The following ZNF554 variants were observed in gnomAD, a reference collection of about 807,000 sequenced individuals.
ZNF554 encodes zinc finger protein 554.
In ZNF554, 15 loss-of-function variants were observed where a neutral mutation model predicts 21.2. The observed-to-expected ratio is 0.71, with a 90% CI of 0.47 to 1.09. ZNF554 has a LOEUF of 1.09. ZNF554 is among the 50% of genes least tolerant of loss of function. The pLI, the probability that ZNF554 is intolerant of heterozygous loss-of-function variation, is 0.00. For missense variants in ZNF554, 691 were observed against 662.7 expected, an observed-to-expected ratio of 1.04 and a Z score of -0.47; for synonymous variants, 258 against 251.4, an observed-to-expected ratio of 1.03 and a Z score of -0.25.
chr19:2,825,788 A>G (rs1010384600), intron 2 of ZNF554, among the ~76,000 whole-genome samples: 2 of 151,998 alleles, frequency 1.3e-5, no homozygotes, highest in African/African-American at 4.8e-5. Flanking sequence ...GGCATAAGAC[A>G]GGGGTGGACT....
At chr19:2,829,645 TAAAA>T (rs1188119187) in intron 3 of ZNF554, among the ~76,000 whole-genome samples, 5 of 151,900 alleles carry the variant, frequency 3.3e-5, no homozygotes, top group South Asian at 2.1e-4. Context: ...GTCAAAAAAA[TAAAA>T]AAAGTATATA....
chr19:2,834,958 C>A lies in ZNF554; in HGVS notation c.*106C>A. The stretch of plus-strand genomic sequence containing the variant: ...AATTTGAAAAGAAGTGGGTTTATGT[C>A]ACCTTCTCACCTTCTTATAAGAAAG... On this transcript the variant is annotated 3_prime_UTR_variant, in exon 5 of 5. Transcript: ENST00000317243. 3.1e-6 allele frequency: 3 copies of A among 967,384 alleles called. No individual in the cohort carries two copies. Among genetic ancestry groups the A allele is most frequent in the South Asian group, 3.5e-5 (2 of 57,502 alleles). 59.9% of individuals were successfully genotyped at this position (967,384 alleles called of 1,614,324 possible).
At position 2,835,162 on chromosome 19, in the gene ZNF554, C is replaced by G. The variant is rs2087483085; in HGVS notation, c.*310C>G. ...TATAGGTGTGCACCACCACGCCCAG[C>G]AAATTTTTAAATTTATTATAGAGTG... On this transcript the variant is annotated 3_prime_UTR_variant, in exon 5 of 5. Coordinates refer to ENST00000317243, the MANE Select transcript of ZNF554 (RefSeq NM_001102651.2). 1 of 249,096 alleles carries G rather than the reference C, an allele frequency of 4.0e-6. No individual in the cohort carries two copies. Among genetic ancestry groups the G allele is most frequent in the East Asian group, 8.0e-5 (1 of 12,548 alleles). 15.4% of individuals were successfully genotyped at this position (249,096 alleles called of 1,614,324 possible).
Position 2,821,011 on chromosome 19 carries a change from A to G in ZNF554, c.53+887A>G, listed in dbSNP as rs1424455285. 3.3e-5 allele frequency among the ~76,000 whole-genome samples: 5 copies of G among 151,506 alleles called. No homozygotes were observed. The highest frequency in any genetic ancestry group is 1.2e-4 in the African/African-American group (5 of 40,958). ...CACCACCCATGTTGAGGAATGAGGG[A>G]GGCAGCTGACCTTTCTGCTGCTCTA... is the stretch of plus-strand genomic sequence containing the variant. On this transcript the variant is annotated intron_variant, in intron 1 of 4. Coordinates refer to ENST00000317243, the MANE Select transcript of ZNF554 (RefSeq NM_001102651.2). The surrounding 1 kb of genome is among the most constrained non-coding windows in gnomAD (Gnocchi z 8.2).
intron 2 of ZNF554, among the ~76,000 whole-genome samples, chr19:2,823,846 T>G (rs746909387): frequency 9.2e-5 from 14 of 152,016 alleles, no homozygotes; most frequent in Non-Finnish European, 1.0e-4. Context: ...GTGTGCCGAC[T>G]GGTTCATGGG....
chr19:2,822,058 C>A (rs1321540694), intron 1 of ZNF554, among the ~76,000 whole-genome samples: 1 of 151,200 alleles, frequency 6.6e-6, no homozygotes, highest in Admixed American at 6.6e-5. Context: ...TTTTCCTTAT[C>A]TTTTCTTTTT....
At chr19:2,822,661 CT>C (rs1160502349) in intron 1 of ZNF554, among the ~76,000 whole-genome samples, 2 of 152,106 alleles carry the variant, frequency 1.3e-5, no homozygotes, top group Non-Finnish European at 2.9e-5. Flanking sequence ...AGGTGGATCC[CT>C]TGAGCCCAGG....
At chr19:2,825,758 A>G (rs2087323664) in intron 2 of ZNF554, among the ~76,000 whole-genome samples, 1 of 151,932 alleles carries the variant, frequency 6.6e-6, no homozygotes, top group Non-Finnish European at 1.5e-5. Flanking sequence ...CCAGGATGCA[A>G]CTGAAGAGGG....
chr19:2,826,564 T>C (rs562931876), intron 2 of ZNF554, among the ~76,000 whole-genome samples: 1 of 152,254 alleles, frequency 6.6e-6, no homozygotes, highest in East Asian at 1.9e-4. Flanking sequence ...ATTACCTGGA[T>C]AGCCATTCAG....
Position 2,834,771 on chromosome 19 carries a change from A to G in ZNF554, c.1536A>G (p.Lys512=), listed in dbSNP as rs201905559. 110 of 1,613,296 alleles carry G rather than the reference A, an allele frequency of 6.8e-5. No homozygotes were observed. The highest frequency in any genetic ancestry group is 2.8e-4 in the Admixed American group (17 of 59,948). The change falls in exon 5 of 5, where the codon AAA becomes AAG. Residue 512 remains lysine (K), a synonymous_variant. Coordinates refer to ENST00000317243, the MANE Select transcript of ZNF554 (RefSeq NM_001102651.2). ...GCTCATCCCTTGTCACACATCAGAA[A>G]ACTCACAGCAGCCAGAAAACCTATA... ...SQSSSLVTHQ[K]THSSQKTYKI...
chr19:2,822,228 T>G (rs181753358), intron 1 of ZNF554, among the ~76,000 whole-genome samples: 15 of 151,892 alleles, frequency 9.9e-5, no homozygotes, highest in African/African-American at 2.4e-4. Context: ...TTTTTTTGTA[T>G]TTTTAGTAGA....
Position 2,834,636 on chromosome 19 carries a change from G to T in ZNF554, c.1401G>T (p.Lys467Asn). Residue 467 changes from lysine (K) to asparagine (N), a missense_variant, in exon 5 of 5, where the codon AAG becomes AAT. Lys to Asn is a moderately conservative substitution (Grantham distance 94). Coordinates refer to ENST00000317243, the MANE Select transcript of ZNF554 (RefSeq NM_001102651.2). ...CGGGCGAGAACCCCTATGAATGTAA[G>T]CAGTGTGGGAGAGCCTTCAGCCAGA... ...THTGENPYEC[K>N]QCGRAFSQRS... The T allele has an allele frequency of 3.1e-6, 5 of 1,614,096 alleles. No homozygotes were observed. The highest frequency in any genetic ancestry group is 2.5e-6 in the Non-Finnish European group (3 of 1,180,022).
chr19:2,827,516 T>G, intron 2 of ZNF554, 101 bp from the exon 3 acceptor site: 5 of 1,460,138 alleles, frequency 3.4e-6, no homozygotes, highest in Non-Finnish European at 4.6e-6. Flanking sequence ...CTTTGCACCT[T>G]GACCTTTCTC....
rs2087269771 is a variant in ZNF554, at chr19:2,821,941, A to G, written c.54-1099A>G. ...GCCTTTCAAAATGCTGGGATTACAG[A>G]CGTGAGTCACCTAGTCCAGCTGTCT... On this transcript the variant is annotated intron_variant, in intron 1 of 4. Transcript: ENST00000317243. This position sits in a 1 kb window ranked among gnomAD's most constrained non-coding sequence, Gnocchi z 8.2. Among the ~76,000 whole-genome samples, 1 of 151,990 alleles carries G rather than the reference A, an allele frequency of 6.6e-6. No individual in the cohort carries two copies. The highest frequency in any genetic ancestry group is 2.4e-5 in the African/African-American group (1 of 41,368).
intron 2 of ZNF554, among the ~76,000 whole-genome samples, chr19:2,825,652 T>G (rs1183625519): frequency 6.6e-6 from 1 of 152,224 alleles, no homozygotes; most frequent in Non-Finnish European, 1.5e-5. Flanking sequence ...AGTCTGGTCT[T>G]GAACTCCTGG....
At chr19:2,820,728 G>T (rs1384143994) in intron 1 of ZNF554, among the ~76,000 whole-genome samples, 1 of 139,012 alleles carries the variant, frequency 7.2e-6, no homozygotes, top group Non-Finnish European at 1.5e-5. Context: ...GCAATGGCAT[G>T]ATCTCGGCTC....
chr19:2,829,232 G>A (rs1439513843), intron 3 of ZNF554, among the ~76,000 whole-genome samples: 8 of 152,102 alleles, frequency 5.3e-5, no homozygotes, highest in Admixed American at 2.0e-4. Flanking sequence ...GGTGATAGAC[G>A]TCTGTAATCC....
intron 2 of ZNF554, 30 bp from the exon 3 acceptor site, chr19:2,827,587 A>G (rs771208534): frequency 1.2e-5 from 20 of 1,603,820 alleles, no homozygotes; most frequent in Non-Finnish European, 1.7e-5. Context: ...CGATGGACCC[A>G]TCTTGAGCAG....
At chr19:2,825,000 G>GTTTT (rs1568332468) in intron 2 of ZNF554, among the ~76,000 whole-genome samples, 1 of 114,914 alleles carries the variant, frequency 8.7e-6, no homozygotes, top group African/African-American at 3.1e-5. Context: ...CGTGATTGCA[G>GTTTT]TTGTTTTTTT....
Sources: allele counts gnomAD v4.1 joint callset (sites outside exome capture counted in the v4.1 genomes callset), GRCh38; gene constraint gnomAD v4.1.1; non-coding constraint Gnocchi (gnomAD v3.1); transcripts MANE v1.5; gene names NCBI Gene and HGNC (gene_info 2026-07-23, HGNC 2026-07-21).